Variants in MAPKAPK2 observed in about 807,000 individuals in gnomAD.
MAPKAPK2 encodes the protein MAP kinase-activated protein kinase 2.
A neutral mutation model predicts 48.8 loss-of-function variants in MAPKAPK2; 9 were observed. The observed-to-expected ratio is 0.18, with a 90% CI of 0.11 to 0.32. MAPKAPK2 has a LOEUF of 0.32. Among genes scored for constraint, MAPKAPK2 ranks in the 10% least tolerant of loss-of-function variants. The pLI, the probability that MAPKAPK2 is intolerant of heterozygous loss-of-function variation, is 1.00. For missense variants in MAPKAPK2, 331 were observed against 498.3 expected, an observed-to-expected ratio of 0.66 and a Z score of 3.20; for synonymous variants, 202 against 190.6, an observed-to-expected ratio of 1.06 and a Z score of -0.49.
chr1:206,714,044 G>C (rs1311256019), intron 1 of MAPKAPK2, among the ~76,000 whole-genome samples: 1 of 152,166 alleles, frequency 6.6e-6, no homozygotes, highest in Non-Finnish European at 1.5e-5. Flanking sequence ...AGCCTGGCTA[G>C]ATAGTGATGT....
At chr1:206,686,743 C>T (rs1488709800) in intron 1 of MAPKAPK2, among the ~76,000 whole-genome samples, 2 of 152,222 alleles carry the variant, frequency 1.3e-5, no homozygotes, top group Non-Finnish European at 2.9e-5. Flanking sequence ...AAAAGAAACA[C>T]CAGTACTTCG....
chr1:206,731,276 C>T lies in MAPKAPK2; in HGVS notation c.892+14C>T. Reference sequence around the variant, plus strand: ...TATCAGAGGAAGGTAAGAACCCAGGCTTTCAGGACAAGGGGAAGAGCCCGT... The same window carrying T: ...TATCAGAGGAAGGTAAGAACCCAGGTTTTCAGGACAAGGGGAAGAGCCCGT... On this transcript the variant is annotated intron_variant, in intron 7 of 9. Coordinates refer to ENST00000367103, the MANE Select transcript of MAPKAPK2 (RefSeq NM_032960.4). This position sits in a 1 kb window ranked among gnomAD's most constrained non-coding sequence, Gnocchi z 5.9. The T allele has an allele frequency of 6.2e-7, 1 of 1,613,964 alleles. No individual in the cohort carries two copies. The highest frequency in any genetic ancestry group is 8.5e-7 in the Non-Finnish European group (1 of 1,179,996).
At chr1:206,705,704 G>C (rs533039509) in intron 1 of MAPKAPK2, among the ~76,000 whole-genome samples, 23 of 152,316 alleles carry the variant, frequency 1.5e-4, no homozygotes, top group African/African-American at 4.8e-4. Flanking sequence ...GTTACCCAGG[G>C]AGCTGAGACA....
rs937476522 is a variant in MAPKAPK2 at position 206,702,886 on chromosome 1, G to T, written c.279+17378G>T. Among the ~76,000 whole-genome samples the T allele has an allele frequency of 7.9e-5, 12 of 152,110 alleles. No individual in the cohort carries two copies. The East Asian group carries it at 1.9e-3, about 24-fold the overall frequency. On this transcript the variant is annotated intron_variant, in intron 1 of 9. Coordinates refer to ENST00000367103, the MANE Select transcript of MAPKAPK2 (RefSeq NM_032960.4). The stretch of plus-strand genomic sequence containing the variant: ...GGTAGAACTGTATTTATCCTTCAAG[G>T]CTCATAATAGATTTTACCCCCTTAC...
chr1:206,717,893 C>G (rs1444659506), intron 1 of MAPKAPK2, among the ~76,000 whole-genome samples: 1 of 152,102 alleles, frequency 6.6e-6, no homozygotes, highest in Non-Finnish European at 1.5e-5. Flanking sequence ...ACGCCTCTCT[C>G]TAGTACCTAT....
chr1:206,730,216 G>C, intron 5 of MAPKAPK2, 118 bp downstream of exon 5: 1 of 1,273,800 alleles, frequency 7.9e-7, no homozygotes, highest in Non-Finnish European at 1.1e-6. Flanking sequence ...GGCCCCTTCT[G>C]GTGCTGGTTC....
chr1:206,685,436 C>T lies in MAPKAPK2; in HGVS notation c.207C>T (p.Val69=). Residue 69 remains valine, a synonymous_variant, in exon 1 of 10, where the codon GTC becomes GTT. Coordinates refer to ENST00000367103, the MANE Select transcript of MAPKAPK2 (RefSeq NM_032960.4). ...IIDDYKVTSQ[V]LGLGINGKVL... ...ATGACTACAAGGTCACCAGCCAGGTCCTGGGGCTGGGCATCAACGGCAAAG... is the reference window on the plus strand; with the variant it reads ...ATGACTACAAGGTCACCAGCCAGGTTCTGGGGCTGGGCATCAACGGCAAAG... The T allele has an allele frequency of 1.1e-5, 17 of 1,547,870 alleles. No homozygotes were observed. Among genetic ancestry groups the T allele is most frequent in the Non-Finnish European group, 1.5e-5 (17 of 1,142,610 alleles).
At chr1:206,700,519 A>G (rs1553427767) in intron 1 of MAPKAPK2, among the ~76,000 whole-genome samples, 1 of 152,188 alleles carries the variant, frequency 6.6e-6, no homozygotes, top group African/African-American at 2.4e-5. Flanking sequence ...GATGCTGGGA[A>G]AAAAGGGCCC....
At chr1:206,700,365 T>G (rs1374505146) in intron 1 of MAPKAPK2, among the ~76,000 whole-genome samples, 1 of 152,192 alleles carries the variant, frequency 6.6e-6, no homozygotes, top group Non-Finnish European at 1.5e-5. Context: ...CTGTTTAAAT[T>G]TGACAGGTGG....
chr1:206,695,665 A>G (rs1387345092), intron 1 of MAPKAPK2, among the ~76,000 whole-genome samples: 1 of 151,542 alleles, frequency 6.6e-6, no homozygotes, highest in African/African-American at 2.4e-5. Flanking sequence ...TTCGCACCAA[A>G]AGTGGGTCTT....
chr1:206,695,770 C>CT (rs1370820766), intron 1 of MAPKAPK2: 81 of 199,938 alleles, frequency 4.1e-4, no homozygotes, highest in South Asian at 8.0e-4. Flanking sequence ...CTCTCTCTCT[C>CT]TCTTTTTTTT....
chr1:206,714,239 G>GGCA (rs1248101649), intron 1 of MAPKAPK2, among the ~76,000 whole-genome samples: 1 of 152,090 alleles, frequency 6.6e-6, no homozygotes, highest in African/African-American at 2.4e-5. Context: ...CCTAAGGTCT[G>GGCA]GGCAGGAGAC....
At chr1:206,724,427 C>T (rs1673640816) in intron 1 of MAPKAPK2, among the ~76,000 whole-genome samples, 1 of 152,216 alleles carries the variant, frequency 6.6e-6, no homozygotes, top group South Asian at 2.1e-4. Context: ...CAGGGCTGTG[C>T]CCCCAGGACG....
chr1:206,731,410 C>G lies in MAPKAPK2; in HGVS notation c.892+148C>G. The G allele has an allele frequency of 7.0e-7, 1 of 1,428,462 alleles. No individual in the cohort carries two copies. The highest frequency in any genetic ancestry group is 2.5e-5 in the East Asian group (1 of 40,494). 88.5% of individuals were successfully genotyped at this position (1,428,462 alleles called of 1,614,324 possible). On this transcript the variant is annotated intron_variant, in intron 7 of 9. Coordinates refer to ENST00000367103, the MANE Select transcript of MAPKAPK2 (RefSeq NM_032960.4). This position sits in a 1 kb window ranked among gnomAD's most constrained non-coding sequence, Gnocchi z 5.9. Reference sequence around the variant, plus strand: ...CACCTATGCCCACGCCTGCGGGGTGCGTCCTGCTTCATTTTGCCTGTGTGG... The same window carrying G: ...CACCTATGCCCACGCCTGCGGGGTGGGTCCTGCTTCATTTTGCCTGTGTGG...
Position 206,732,013 on chromosome 1 carries a change from C to A in MAPKAPK2, c.1059+94C>A. 1 of 1,614,066 alleles carries A rather than the reference C, an allele frequency of 6.2e-7. No homozygotes were observed. Among genetic ancestry groups the A allele is most frequent in the Middle Eastern group, 1.6e-4 (1 of 6,062 alleles). On this transcript the variant is annotated intron_variant, in intron 9 of 9. Coordinates refer to ENST00000367103, the MANE Select transcript of MAPKAPK2 (RefSeq NM_032960.4). This position sits in a 1 kb window ranked among gnomAD's most constrained non-coding sequence, Gnocchi z 4.4. ...GAGGCGTGGTGCTGGTAGGGGAGAG[C>A]TTGATTCTGCCTCTCTCATCCCAGG...
chr1:206,720,237 T>C (rs1673472939), intron 1 of MAPKAPK2, among the ~76,000 whole-genome samples: 1 of 152,248 alleles, frequency 6.6e-6, no homozygotes, highest in South Asian at 2.1e-4. Flanking sequence ...AAGTAACATA[T>C]ACTAATTGTA....
intron 1 of MAPKAPK2, among the ~76,000 whole-genome samples, chr1:206,701,462 G>T (rs941145155): frequency 1.3e-5 from 2 of 152,114 alleles, no homozygotes; most frequent in Non-Finnish European, 2.9e-5. Context: ...ATTTGAGGAA[G>T]GGTACAGGGA....
chr1:206,688,640 TA>T (rs1672358522), intron 1 of MAPKAPK2, among the ~76,000 whole-genome samples: 2 of 152,160 alleles, frequency 1.3e-5, no homozygotes, highest in African/African-American at 4.8e-5. Context: ...CTATTATTTT[TA>T]TTTTTATTTT....
chr1:206,701,811 A>G (rs1175115680), intron 1 of MAPKAPK2, among the ~76,000 whole-genome samples: 1 of 147,602 alleles, frequency 6.8e-6, no homozygotes, highest in African/African-American at 2.5e-5. Context: ...AACCTGGGCA[A>G]CAGAATGAGA....
Sources: allele counts gnomAD v4.1 joint callset (sites outside exome capture counted in the v4.1 genomes callset), GRCh38; gene constraint gnomAD v4.1.1; non-coding constraint Gnocchi (gnomAD v3.1); transcripts MANE v1.5; gene names NCBI Gene and HGNC (gene_info 2026-07-23, HGNC 2026-07-21).